The following CCSER1 variants were observed in gnomAD, a reference collection of about 807,000 sequenced individuals.
CCSER1 encodes the protein coiled-coil serine rich protein 1, also known as serine-rich coiled-coil domain-containing protein 1.
Under a neutral mutation model 82.0 loss-of-function variants are expected in CCSER1, and 41 were observed. That is an observed-to-expected ratio of 0.50 (90% confidence interval 0.39 to 0.65). CCSER1 has a LOEUF of 0.65. Ranked by LOEUF, CCSER1 falls within the 30% of genes least tolerant of loss-of-function variation. The pLI, the probability that CCSER1 is intolerant of heterozygous loss-of-function variation, is 0.00. For missense variants in CCSER1, 1,119 were observed against 1,064.2 expected, an observed-to-expected ratio of 1.05 and a Z score of -0.72; for synonymous variants, 414 against 383.9, an observed-to-expected ratio of 1.08 and a Z score of -0.92.
At position 90,484,387 on chromosome 4, in the gene CCSER1, C is replaced by T. The variant is rs1171808586; in HGVS notation, c.1724+16033C>T. The stretch of plus-strand genomic sequence containing the variant: ...TCTCTCAACTCATCAAAGTCATTCT[C>T]CATCCAGCTTTATTCCATTGCTGGT... On this transcript the variant is annotated intron_variant, in intron 5 of 10. Transcript: ENST00000509176. 1.3e-5 allele frequency among the ~76,000 whole-genome samples: 2 copies of T among 152,180 alleles called. 1 individual carries two copies. Among genetic ancestry groups the T allele is most frequent in the Admixed American group, 1.3e-4 (2 of 15,276 alleles).
At chr4:90,897,989 C>T (rs1360038847) in intron 8 of CCSER1, among the ~76,000 whole-genome samples, 1 of 151,684 alleles carries the variant, frequency 6.6e-6, no homozygotes, top group African/African-American at 2.4e-5. Flanking sequence ...TGTTTAAGGT[C>T]CTTATAAATT....
intron 7 of CCSER1, among the ~76,000 whole-genome samples, chr4:90,730,708 A>G (rs1744546863): frequency 1.3e-5 from 2 of 152,170 alleles, no homozygotes; most frequent in African/African-American, 4.8e-5. Context: ...ATTATGGAAC[A>G]TTTTAGTAGA....
intron 10 of CCSER1, among the ~76,000 whole-genome samples, chr4:91,255,326 T>C (rs2149155848): frequency 6.6e-6 from 1 of 152,308 alleles, no homozygotes; most frequent in East Asian, 1.9e-4. Flanking sequence ...TAAAAGTGCT[T>C]ACAATAATGT....
chr4:91,157,644 C>A (rs562684087), intron 10 of CCSER1, among the ~76,000 whole-genome samples: 1 of 151,978 alleles, frequency 6.6e-6, no homozygotes, highest in Non-Finnish European at 1.5e-5. Flanking sequence ...ATGCCAGGGA[C>A]AGCACTTAGA....
At chr4:91,295,812 T>A (rs1018149374) in intron 10 of CCSER1, among the ~76,000 whole-genome samples, 1 of 151,940 alleles carries the variant, frequency 6.6e-6, no homozygotes, top group African/African-American at 2.4e-5. Context: ...TGAATCAGCC[T>A]CCTGTGTTTT....
chr4:90,469,485 T>C (rs1290843549), intron 5 of CCSER1, among the ~76,000 whole-genome samples: 1 of 150,682 alleles, frequency 6.6e-6, no homozygotes, highest in East Asian at 2.0e-4. Flanking sequence ...TGTTTGCCAA[T>C]TGAATTATAT....
At chr4:91,462,700 C>T (rs1327215392) in intron 10 of CCSER1, among the ~76,000 whole-genome samples, 1 of 152,166 alleles carries the variant, frequency 6.6e-6, no homozygotes, top group East Asian at 1.9e-4. Flanking sequence ...AATGGCACAC[C>T]AGGAGATTAT....
intron 10 of CCSER1, among the ~76,000 whole-genome samples, chr4:91,440,273 C>A (rs71397805): frequency 6.6e-6 from 1 of 152,072 alleles, no homozygotes; most frequent in Non-Finnish European, 1.5e-5. Context: ...GTCTCTCAGA[C>A]CACAGTGCAA....
At chr4:91,284,605 G>A (rs527816723) in intron 10 of CCSER1, among the ~76,000 whole-genome samples, 1 of 152,148 alleles carries the variant, frequency 6.6e-6, no homozygotes, top group East Asian at 1.9e-4. Flanking sequence ...CTTTGAGAAA[G>A]AGCTATTTTC....
intron 6 of CCSER1, among the ~76,000 whole-genome samples, chr4:90,691,124 A>G (rs1225740317): frequency 6.6e-6 from 1 of 152,048 alleles, no homozygotes; most frequent in Non-Finnish European, 1.5e-5. Flanking sequence ...ACTATTAATA[A>G]GAACAATAAA....
chr4:90,980,407 C>T (rs1398874022), intron 9 of CCSER1, among the ~76,000 whole-genome samples: 1 of 151,732 alleles, frequency 6.6e-6, no homozygotes, highest in African/African-American at 2.4e-5. Context: ...TGTGAGTACA[C>T]AGAACAAGTG....
chr4:90,751,483 C>T (rs1337009180), intron 7 of CCSER1, among the ~76,000 whole-genome samples: 3 of 151,954 alleles, frequency 2.0e-5, no homozygotes, highest in African/African-American at 7.2e-5. Context: ...ACATTCTTCT[C>T]AAGAGCTCCT....
At chr4:90,864,729 G>T (rs1023527420) in intron 8 of CCSER1, among the ~76,000 whole-genome samples, 1 of 151,972 alleles carries the variant, frequency 6.6e-6, no homozygotes, top group African/African-American at 2.4e-5. Flanking sequence ...GGGAAGAGTG[G>T]TTATTTCTTT....
intron 9 of CCSER1, among the ~76,000 whole-genome samples, chr4:91,064,773 C>T (rs1329539348): frequency 6.6e-6 from 1 of 152,196 alleles, no homozygotes; most frequent in Non-Finnish European, 1.5e-5. Flanking sequence ...CAAGCAGGCC[C>T]TTCTAAAGAG....
chr4:90,568,942 A>G (rs898994045), intron 5 of CCSER1, among the ~76,000 whole-genome samples: 3 of 151,488 alleles, frequency 2.0e-5, no homozygotes, highest in Non-Finnish European at 2.9e-5. Context: ...TAATTTTTAT[A>G]TTTGTAGTAG....
chr4:90,582,831 CCTGA>C (rs1319871246), intron 5 of CCSER1, among the ~76,000 whole-genome samples: 2 of 152,088 alleles, frequency 1.3e-5, no homozygotes, highest in African/African-American at 4.8e-5. Flanking sequence ...GATCCAATTA[CCTGA>C]CTAATTCATG....
intron 3 of CCSER1, among the ~76,000 whole-genome samples, chr4:90,363,514 G>A (rs1413112601): frequency 6.6e-6 from 1 of 151,986 alleles, no homozygotes; most frequent in Non-Finnish European, 1.5e-5. Flanking sequence ...GTGCACTCAT[G>A]TGTTTGAGAG....
chr4:90,472,661 CAG>C (rs1764551544), intron 5 of CCSER1, among the ~76,000 whole-genome samples: 1 of 152,078 alleles, frequency 6.6e-6, no homozygotes, highest in East Asian at 1.9e-4. Flanking sequence ...GTATGTAACT[CAG>C]AATACCATAG....
chr4:90,184,437 C>T (rs1261894399), intron 1 of CCSER1, among the ~76,000 whole-genome samples: 1 of 152,020 alleles, frequency 6.6e-6, no homozygotes, highest in Non-Finnish European at 1.5e-5. Context: ...AGAGTTGTAC[C>T]TAGGTGTCCA....
Sources: allele counts gnomAD v4.1 joint callset (sites outside exome capture counted in the v4.1 genomes callset), GRCh38; gene constraint gnomAD v4.1.1; transcripts MANE v1.5; gene names NCBI Gene and HGNC (gene_info 2026-07-23, HGNC 2026-07-21).